DCAF6: variants seen among roughly 807,000 people sequenced by gnomAD.
DCAF6 encodes DDB1 and CUL4 associated factor 6, also known as DDB1- and CUL4-associated factor 6.
Under a neutral mutation model 125.1 loss-of-function variants are expected in DCAF6, and 54 were observed. The observed-to-expected ratio is 0.43, with a 90% CI of 0.35 to 0.54. The LOEUF is 0.54. DCAF6 is among the 20% of genes least tolerant of loss of function. DCAF6 has a pLI of 0.01. For synonymous variants in DCAF6, 371 were observed against 390.4 expected (o/e 0.95, Z 0.58); for missense variants, 934 against 1,161.7 (o/e 0.80, Z 2.85).
intron 6 of DCAF6, among the ~76,000 whole-genome samples, chr1:167,992,839 A>G (rs995017679): frequency 6.6e-6 from 1 of 152,258 alleles, no homozygotes; most frequent in Non-Finnish European, 1.5e-5. Flanking sequence ...CATACGTTGC[A>G]TACTAATGTA....
At chr1:168,073,834 A>T (rs1387176177) in intron 21 of DCAF6, among the ~76,000 whole-genome samples, 2 of 151,270 alleles carry the variant, frequency 1.3e-5, no homozygotes, top group East Asian at 3.9e-4. Flanking sequence ...AAACAATGTA[A>T]TTTTTTTTAT....
chr1:168,052,928 G>A (rs1690136806), intron 17 of DCAF6, among the ~76,000 whole-genome samples: 1 of 151,946 alleles, frequency 6.6e-6, no homozygotes, highest in Non-Finnish European at 1.5e-5. Context: ...TGGTATATAG[G>A]GCACTTCATA....
upstream of DCAF6, among the ~76,000 whole-genome samples, chr1:167,931,090 C>T (rs1158482519): frequency 6.6e-6 from 1 of 152,164 alleles, no homozygotes; most frequent in South Asian, 2.1e-4. Flanking sequence ...CACCACCATG[C>T]CCAGCTAAAT....
chr1:168,000,779 T>C (rs1285046626), intron 7 of DCAF6, among the ~76,000 whole-genome samples: 2 of 151,960 alleles, frequency 1.3e-5, no homozygotes, highest in African/African-American at 4.8e-5. Flanking sequence ...TTATATGAAA[T>C]GTTTAGAAAA....
intron 7 of DCAF6, among the ~76,000 whole-genome samples, chr1:167,996,657 A>T (rs1207528185): frequency 6.6e-6 from 1 of 152,184 alleles, no homozygotes; most frequent in African/African-American, 2.4e-5. Context: ...TGAAGTCCTT[A>T]TGGTGGCTTC....
chr1:167,896,149 A>G, the DCAF6 span, among the ~76,000 whole-genome samples: 1 of 152,204 alleles, frequency 6.6e-6, no homozygotes, highest in East Asian at 1.9e-4. Context: ...GCTAGGTGTC[A>G]GCGGTGCAAG....
chr1:168,009,428 G>GTCTC (rs369658760), intron 10 of DCAF6, among the ~76,000 whole-genome samples: 2 of 98,782 alleles, frequency 2.0e-5, no homozygotes, highest in South Asian at 6.0e-4. Flanking sequence ...GTTTCTTTCT[G>GTCTC]TCTCTCTCTC....
At chr1:168,005,672 G>A (rs892138145) in intron 10 of DCAF6, among the ~76,000 whole-genome samples, 25 of 152,154 alleles carry the variant, frequency 1.6e-4, no homozygotes, top group African/African-American at 6.0e-4. Flanking sequence ...TAACAGCTTA[G>A]CTGCCAAGCT....
At chr1:167,963,155 T>C (rs1219722187) in intron 2 of DCAF6, among the ~76,000 whole-genome samples, 1 of 151,912 alleles carries the variant, frequency 6.6e-6, no homozygotes, top group African/African-American at 2.4e-5. Flanking sequence ...TCCCAGCTAC[T>C]CGGGAGGCTG....
At chr1:168,051,828 A>T (rs993416015) in intron 17 of DCAF6, among the ~76,000 whole-genome samples, 6 of 150,726 alleles carry the variant, frequency 4.0e-5, no homozygotes, top group African/African-American at 4.9e-5. Context: ...CTGTTTTAAC[A>T]TTAAGGTATA....
At chr1:168,017,302 TAGAA>T (rs1296830896) in intron 11 of DCAF6, among the ~76,000 whole-genome samples, 2 of 151,572 alleles carry the variant, frequency 1.3e-5, no homozygotes, top group African/African-American at 2.4e-5. Flanking sequence ...TAAAAGTCAA[TAGAA>T]AGAAAAATAA....
chr1:168,049,440 T>TG (rs1417277356), intron 16 of DCAF6, among the ~76,000 whole-genome samples: 2 of 146,804 alleles, frequency 1.4e-5, no homozygotes, highest in Non-Finnish European at 3.0e-5. Context: ...TGTTTTTTTT[T>TG]TTTTTTTTTT....
chr1:168,029,705 G>A (rs995955774), intron 12 of DCAF6, among the ~76,000 whole-genome samples: 1 of 152,202 alleles, frequency 6.6e-6, no homozygotes, highest in Non-Finnish European at 1.5e-5. Flanking sequence ...CTAAGGCCGG[G>A]CGTGGTGGCT....
rs149408478 is a variant in DCAF6, at chr1:168,066,128, T to C, written c.2597-249T>C. 3.1e-3 allele frequency among the ~76,000 whole-genome samples: 469 copies of C among 152,212 alleles called. 1 individual carries two copies. The highest frequency in any genetic ancestry group is 4.7e-3 in the Non-Finnish European group (322 of 68,004). ...TCTTCTTTTTGAAATTGCCCACATA[T>C]CTCATAAAAGAACAATGAATAAGTG... is the stretch of plus-strand genomic sequence containing the variant. On this transcript the variant is annotated intron_variant, in intron 19 of 21. Coordinates refer to ENST00000367840, the MANE Select transcript of DCAF6 (RefSeq NM_001198956.2).
At chr1:168,063,557 T>A in intron 17 of DCAF6, 64 bp from the exon 18 acceptor site, 1 of 1,307,136 alleles carries the variant, frequency 7.7e-7, no homozygotes, top group Non-Finnish European at 1.0e-6. Context: ...TTTTCATAAG[T>A]TTCTCATTAT....
At chr1:168,000,891 A>T (rs1242897076) in intron 7 of DCAF6, among the ~76,000 whole-genome samples, 2 of 152,106 alleles carry the variant, frequency 1.3e-5, no homozygotes, top group African/African-American at 4.8e-5. Flanking sequence ...GGATGATGAA[A>T]ACGGTCTGGA....
chr1:167,955,443 G>GC (rs1674626170), intron 2 of DCAF6, among the ~76,000 whole-genome samples: 2 of 138,210 alleles, frequency 1.4e-5, no homozygotes, highest in African/African-American at 5.3e-5. Flanking sequence ...GGTGTGGTCA[G>GC]TTTTTTTTTT....
rs753483406 is a variant in DCAF6 at position 167,993,265 on chromosome 1, G to A, written c.728G>A (p.Arg243His). Residue 243 changes from arginine to histidine, a missense_variant, in exon 7 of 22, where the codon CGT (arginine) becomes CAT (histidine). Physicochemically the swap from Arg to His is conservative, Grantham distance 29. This residue lies in a region of DCAF6 where 309 missense variants were observed against 381.2 expected (regional missense o/e 0.81). Coordinates refer to ENST00000367840, the MANE Select transcript of DCAF6 (RefSeq NM_001198956.2). ...CGAGGGACTACTGGAATGGTTGCCC[G>A]TTTTATTCCTTCCCATCTTAATAAT... ...AGRGTTGMVA[R>H]FIPSHLNNKS... is the part of the protein sequence containing the mutation. 13 of 1,613,884 alleles carry A rather than the reference G, an allele frequency of 8.1e-6. No individual in the cohort carries two copies. Among genetic ancestry groups the A allele is most frequent in the South Asian group, 5.5e-5 (5 of 91,068 alleles).
chr1:167,947,104 A>G (rs1043562195), intron 1 of DCAF6, among the ~76,000 whole-genome samples: 1 of 152,004 alleles, frequency 6.6e-6, no homozygotes, highest in Non-Finnish European at 1.5e-5. Context: ...CATTCTTGGT[A>G]GGTTGTGTTT....
Sources: allele counts gnomAD v4.1 joint callset (sites outside exome capture counted in the v4.1 genomes callset), GRCh38; gene constraint gnomAD v4.1.1; regional missense constraint gnomAD v4.1.1; transcripts MANE v1.5; gene names NCBI Gene and HGNC (gene_info 2026-07-23, HGNC 2026-07-21).